Variants in GEMIN5 observed in about 807,000 individuals in gnomAD.
GEMIN5 encodes the protein gem-associated protein 5.
In GEMIN5, 124 loss-of-function variants were observed where a neutral mutation model predicts 176.9. The ratio of observed to expected loss-of-function variants is 0.70; its 90% CI spans 0.61 to 0.81. The LOEUF is 0.81. Among genes scored for constraint, GEMIN5 ranks in the 40% least tolerant of loss-of-function variants. The probability of loss-of-function intolerance (pLI) is 0.00; values close to 1 mark genes in which losing one functional copy is unlikely to be tolerated. For missense variants in GEMIN5, 1,843 were observed against 1,814.6 expected, an observed-to-expected ratio of 1.02 and a Z score of -0.28; for synonymous variants, 673 against 665.2, an observed-to-expected ratio of 1.01 and a Z score of -0.18.
intron 11 of GEMIN5, among the ~76,000 whole-genome samples, chr5:154,919,015 T>C (rs1763867037): frequency 1.3e-5 from 2 of 152,270 alleles, no homozygotes; most frequent in Middle Eastern, 3.4e-3. Context: ...CACTCCAGCC[T>C]GGGCGACAGA....
chr5:154,917,146 T>C lies in GEMIN5; in HGVS notation c.1707A>G (p.Lys569=). The part of the protein sequence containing the change: ...SIEIFQIPNL[K]LICTIQQHHK... ...GATGCTGTTGGATAGTACAGATCAG[T>C]TTCAGGTTGGGAATCTGAAATATTT... is the stretch of plus-strand genomic sequence containing the variant. The change falls in exon 13 of 28, where the codon AAA becomes AAG. Residue 569 remains lysine, a synonymous_variant. Coordinates refer to ENST00000285873, the MANE Select transcript of GEMIN5 (RefSeq NM_015465.5). The C allele has an allele frequency of 6.6e-7, 1 of 1,520,600 alleles. No individual in the cohort carries two copies. Among genetic ancestry groups the C allele is most frequent in the Non-Finnish European group, 8.9e-7 (1 of 1,121,008 alleles). The allele number at this position is 1,520,600 out of a possible 1,614,324, so 94.2% of individuals were successfully genotyped here.
intron 24 of GEMIN5, among the ~76,000 whole-genome samples, chr5:154,895,330 A>G (rs1202032447): frequency 4.9e-4 from 70 of 143,416 alleles, no homozygotes; most frequent in Admixed American, 4.8e-3. Flanking sequence ...CCCAGTCTCC[A>G]GAAAGGAAAA....
At chr5:154,889,033 C>T (rs916700296) in intron 27 of GEMIN5, among the ~76,000 whole-genome samples, 6 of 152,030 alleles carry the variant, frequency 3.9e-5, no homozygotes, top group East Asian at 1.9e-4. Flanking sequence ...CCTGCCCCCA[C>T]GCCCGGCTAA....
In GEMIN5 at chr5:154,911,736, G is replaced by T. The variant is rs1348500665; in HGVS notation, c.2158C>A (p.Pro720Thr). The T allele has an allele frequency of 1.2e-6, 2 of 1,613,018 alleles. No homozygotes were observed. The highest frequency in any genetic ancestry group is 2.7e-5 in the African/African-American group (2 of 74,880). Residue 720 changes from proline (P) to threonine (T), a missense_variant, in exon 15 of 28, where the codon CCT becomes ACT. Pro to Thr is a conservative substitution (Grantham distance 38). Transcript: ENST00000285873. ...CTAGGTTCTGACTGACCTTGAGGAG[G>T]CCGGGAATGATCTTGCATGGAAGTG... ...WLTSMQDHSRPPQGKKSIELE... is the reference protein window; with the variant it reads ...WLTSMQDHSRTPQGKKSIELE...
intron 5 of GEMIN5, among the ~76,000 whole-genome samples, chr5:154,930,787 T>G (rs548433693): frequency 2.6e-4 from 39 of 151,902 alleles, no homozygotes; most frequent in African/African-American, 9.4e-4. Context: ...CACTTAAAAG[T>G]GATAAAGATG....
chr5:154,929,893 T>A (rs1764125025), intron 5 of GEMIN5, among the ~76,000 whole-genome samples: 1 of 152,222 alleles, frequency 6.6e-6, no homozygotes. Flanking sequence ...AGAAAGTACA[T>A]CCATGCTCAT....
At chr5:154,928,684 G>A in intron 5 of GEMIN5, 25 bp from the exon 6 acceptor site, 2 of 1,611,912 alleles carry the variant, frequency 1.2e-6, no homozygotes, top group Non-Finnish European at 1.7e-6. Context: ...GAAGGCCAGT[G>A]GGCACTCAAG....
chr5:154,889,157 T>C (rs1362227456), intron 27 of GEMIN5, among the ~76,000 whole-genome samples, 164 bp downstream of exon 27: 1 of 152,108 alleles, frequency 6.6e-6, no homozygotes, highest in Non-Finnish European at 1.5e-5. Context: ...ATTACAGGCG[T>C]GAGCCACCAC....
At position 154,901,347 on chromosome 5, in the gene GEMIN5, A is replaced by G. The variant is rs1763459545; in HGVS notation, c.3006T>C (p.His1002=). ...YEAVELLKSN[H]FYREAIAIAK... is the part of the protein sequence containing the mutation. ...TCTAGGACCACACAGACCTGTAAAA[A>G]TGGTTTGACTTGAGCAGCTCCACCG... The change falls in exon 21 of 28, where the codon CAT becomes CAC. Residue 1002 remains histidine (H), a synonymous_variant. Coordinates refer to ENST00000285873, the MANE Select transcript of GEMIN5 (RefSeq NM_015465.5). 1 of 1,614,056 alleles carries G rather than the reference A, an allele frequency of 6.2e-7. No individual in the cohort carries two copies. The highest frequency in any genetic ancestry group is 8.5e-7 in the Non-Finnish European group (1 of 1,179,932).
intron 7 of GEMIN5, among the ~76,000 whole-genome samples, chr5:154,926,446 C>T (rs1404182553): frequency 1.3e-5 from 2 of 152,080 alleles, no homozygotes; most frequent in African/African-American, 2.4e-5. Flanking sequence ...CAAAGAACTG[C>T]TCTCTCAAAA....
intron 3 of GEMIN5, among the ~76,000 whole-genome samples, chr5:154,933,134 T>C (rs1764201105): frequency 6.6e-6 from 1 of 152,232 alleles, no homozygotes; most frequent in African/African-American, 2.4e-5. Flanking sequence ...TGAAGTCCTC[T>C]GTACATTCCA....
At chr5:154,930,131 T>TCTGCCATAACCATTTTTC (rs372971835) in intron 5 of GEMIN5, among the ~76,000 whole-genome samples, 72 of 152,348 alleles carry the variant, frequency 4.7e-4, no homozygotes, top group African/African-American at 1.6e-3. Flanking sequence ...GATTTCCTGC[T>TCTGCCATAACCATTTTTC]CTGCCATAAC....
chr5:154,911,023 T>A (rs1407188035), intron 15 of GEMIN5, among the ~76,000 whole-genome samples: 1 of 152,160 alleles, frequency 6.6e-6, no homozygotes, highest in Non-Finnish European at 1.5e-5. Context: ...TTAACAGTTG[T>A]CCCAGATTTG....
chr5:154,918,426 G>T (rs1763856638), intron 11 of GEMIN5, among the ~76,000 whole-genome samples: 1 of 151,990 alleles, frequency 6.6e-6, no homozygotes, highest in African/African-American at 2.4e-5. Flanking sequence ...ATTCCCCAAG[G>T]CTGCCTGGGC....
At chr5:154,928,683 T>G in intron 5 of GEMIN5, 24 bp from the exon 6 acceptor site, 1 of 1,612,754 alleles carries the variant, frequency 6.2e-7, no homozygotes, top group Non-Finnish European at 8.5e-7. Context: ...AGAAGGCCAG[T>G]GGGCACTCAA....
chr5:154,912,052 A>G (rs1763714416), intron 14 of GEMIN5, among the ~76,000 whole-genome samples, 154 bp from the exon 15 acceptor site: 1 of 152,218 alleles, frequency 6.6e-6, no homozygotes, highest in African/African-American at 2.4e-5. Context: ...TAGAAGTTCA[A>G]TTTCAGAAGA....
chr5:154,923,123 T>C (rs1056141783), intron 9 of GEMIN5, among the ~76,000 whole-genome samples: 1 of 151,816 alleles, frequency 6.6e-6, no homozygotes, highest in African/African-American at 2.4e-5. Flanking sequence ...CTAACATCTG[T>C]AATCCCAGCA....
chr5:154,921,286 G>T (rs1582669309), intron 10 of GEMIN5, 57 bp downstream of exon 10: 1 of 833,382 alleles, frequency 1.2e-6, no homozygotes, highest in Non-Finnish European at 2.1e-6. Context: ...AATATTTTAG[G>T]ATTAAACTGA....
rs1224130341 is a variant in GEMIN5, at chr5:154,904,611, CTCT to C, written c.2525_2527del (p.Lys842del). 6.2e-7 allele frequency: 1 copy of C among 1,611,566 alleles called. No individual in the cohort carries two copies. Among genetic ancestry groups the C allele is most frequent in the Non-Finnish European group, 8.5e-7 (1 of 1,177,796 alleles). On this transcript the variant is annotated inframe_deletion, in exon 18 of 28. Transcript: ENST00000285873. ...CAGGGGAAGCAAGGAACGAGCTTTT[CTCT>C]TCTTGATTAAGGTTTCTGAAATTTA...
Sources: gnomAD v4.1 joint callset for allele counts (sites outside exome capture counted in the v4.1 genomes callset) on GRCh38, gnomAD v4.1.1 for gene constraint, MANE v1.5 for transcripts, NCBI Gene and HGNC (gene_info 2026-07-23, HGNC 2026-07-21) for gene names.